The following TNFAIP2 variants were observed in gnomAD, a reference collection of about 807,000 sequenced individuals.
TNFAIP2 encodes the protein TNF alpha induced protein 2, also known as tumor necrosis factor alpha-induced protein 2.
In TNFAIP2, 47 loss-of-function variants were observed where a neutral mutation model predicts 63.5. The ratio of observed to expected loss-of-function variants is 0.74; its 90% CI spans 0.59 to 0.94. The LOEUF is 0.94. Ranked by LOEUF, TNFAIP2 falls within the 40% of genes least tolerant of loss-of-function variation. The probability of loss-of-function intolerance (pLI) is 0.00; values close to 1 mark genes in which losing one functional copy is unlikely to be tolerated. For synonymous variants in TNFAIP2, 405 were observed against 390.2 expected, an observed-to-expected ratio of 1.04 and a Z score of -0.45; for missense variants, 787 against 850.2, an observed-to-expected ratio of 0.93 and a Z score of 0.92.
chr14:103,131,731 C>T lies in TNFAIP2; in HGVS notation c.1391C>T (p.Thr464Ile), dbSNP rs760096089. ...GAGCTCAAGAGCCACGGCTTTGACA[C>T]CCTGCTCCAGAACCTGCATGAGGAC... The part of the protein sequence containing the change: ...LGELKSHGFD[T>I]LLQNLHEDLK... The change falls in exon 8 of 12, where the codon ACC becomes ATC. Residue 464 changes from threonine to isoleucine, a missense_variant. Coordinates refer to ENST00000560869, the MANE Select transcript of TNFAIP2 (RefSeq NM_006291.4). The surrounding 1 kb of genome is among the most constrained non-coding windows in gnomAD (Gnocchi z 4.0). 1.5e-5 allele frequency: 24 copies of T among 1,612,170 alleles called. No individual in the cohort carries two copies. The South Asian group carries it at 2.6e-4, about 18-fold the overall frequency.
At position 103,134,101 on chromosome 14, in the gene TNFAIP2, G is replaced by A. The variant is rs1472394836; in HGVS notation, c.1823+298G>A. ...ACCTGACACTGCCTCTCACAGGGGA[G>A]ACTGAGACCAGAGAGGCCAGCTTCA... On this transcript the variant is annotated intron_variant, in intron 11 of 11. Coordinates refer to ENST00000560869, the MANE Select transcript of TNFAIP2 (RefSeq NM_006291.4). Among the ~76,000 whole-genome samples, 8 of 152,352 alleles carry A rather than the reference G, an allele frequency of 5.3e-5. No individual in the cohort carries two copies. In the South Asian group the frequency reaches 1.7e-3, roughly 32 times the overall value.
At chr14:103,126,901 C>T in intron 2 of TNFAIP2, 104 bp from the exon 3 acceptor site, 5 of 1,402,322 alleles carry the variant, frequency 3.6e-6, no homozygotes, top group Admixed American at 6.0e-5. Flanking sequence ...TGTTGGCCGC[C>T]GGCCCTGTGC....
chr14:103,122,961 C>T (rs530111994), upstream of TNFAIP2: 2 of 374,744 alleles, frequency 5.3e-6, no homozygotes, highest in African/African-American at 4.2e-5. Flanking sequence ...TTGTAGCCCC[C>T]TTCCCCTTAG....
In TNFAIP2 at chr14:103,135,946, A is replaced by ACGT; in HGVS notation, c.*588_*590dup. ...GAGCTGTGAGCACCGCCAGCATTAGACGTCACATCCAGGTGGCCCCACGGC... is the reference window on the plus strand; with the variant it reads ...GAGCTGTGAGCACCGCCAGCATTAGACGTCGTCACATCCAGGTGGCCCCACGGC... On this transcript the variant is annotated 3_prime_UTR_variant, in exon 12 of 12. Coordinates refer to ENST00000560869, the MANE Select transcript of TNFAIP2 (RefSeq NM_006291.4). The surrounding 1 kb of genome is among the most constrained non-coding windows in gnomAD (Gnocchi z 7.6). 7.8e-7 allele frequency: 1 copy of ACGT among 1,289,670 alleles called. No homozygotes were observed. The highest frequency in any genetic ancestry group is 1.0e-6 in the Non-Finnish European group (1 of 989,024). 79.9% of individuals were successfully genotyped at this position (1,289,670 alleles called of 1,614,324 possible).
At position 103,126,537 on chromosome 14, in the gene TNFAIP2, CGAAGAA is replaced by C. The variant is rs774542642; in HGVS notation, c.88_93del (p.Lys30_Lys31del). On this transcript the variant is annotated inframe_deletion, in exon 2 of 12. Transcript: ENST00000560869. ...CCATATAGGGAGGAGGAAGAGGCGG[CGAAGAA>C]GAAGAAGGAGAAGAAGAAGAAGTCC... The C allele has an allele frequency of 1.3e-6, 2 of 1,575,064 alleles. No individual in the cohort carries two copies. Among genetic ancestry groups the C allele is most frequent in the East Asian group, 2.3e-5 (1 of 42,850 alleles).
At chr14:103,130,998 C>G (rs2139561788) in intron 6 of TNFAIP2, 54 bp from the exon 7 acceptor site, 1 of 1,579,542 alleles carries the variant, frequency 6.3e-7, no homozygotes, top group Admixed American at 1.7e-5. Context: ...GAGGCTGCTG[C>G]TGTGGTCCCA....
chr14:103,129,729 C>G lies in TNFAIP2; in HGVS notation c.861-11C>G, dbSNP rs1226693158. 6.2e-7 allele frequency: 1 copy of G among 1,612,408 alleles called. No individual in the cohort carries two copies. Among genetic ancestry groups the G allele is most frequent in the Non-Finnish European group, 8.5e-7 (1 of 1,178,768 alleles). On this transcript the variant is annotated splice_polypyrimidine_tract_variant and intron_variant, in intron 3 of 11. Coordinates refer to ENST00000560869, the MANE Select transcript of TNFAIP2 (RefSeq NM_006291.4). ...TATAGTTGTCCTCATGCCAGCCTCC[C>G]CTGCCTGCAGTGACATCATCAACAG...
intron 3 of TNFAIP2, among the ~76,000 whole-genome samples, chr14:103,128,662 A>G (rs1305986287): frequency 6.6e-6 from 1 of 152,010 alleles, no homozygotes; most frequent in African/African-American, 2.4e-5. Flanking sequence ...TGGCAGAAGG[A>G]TAGAGAAAGG....
intron 3 of TNFAIP2, among the ~76,000 whole-genome samples, chr14:103,129,415 G>T (rs1595280369): frequency 1.3e-5 from 2 of 152,262 alleles, no homozygotes; most frequent in South Asian, 4.1e-4. Context: ...CTTTTGCAGT[G>T]AGCCAGCGGG....
chr14:103,132,198 G>T (rs1212954291), intron 8 of TNFAIP2, among the ~76,000 whole-genome samples: 1 of 152,158 alleles, frequency 6.6e-6, no homozygotes, highest in East Asian at 1.9e-4. Context: ...CAGCAACTGA[G>T]GCTCAGGGTC....
intron 11 of TNFAIP2, among the ~76,000 whole-genome samples, chr14:103,134,689 C>T (rs1265583181): frequency 1.3e-5 from 2 of 151,772 alleles, no homozygotes; most frequent in Non-Finnish European, 2.9e-5. Flanking sequence ...CATCCATCTA[C>T]CTATGCCACC....
chr14:103,129,640 C>G (rs2087929145), intron 3 of TNFAIP2, 100 bp from the exon 4 acceptor site: 2 of 1,074,248 alleles, frequency 1.9e-6, no homozygotes, highest in South Asian at 2.8e-5. Context: ...GCTGGGCAGT[C>G]TGGGCCTGCC....
Position 103,133,691 on chromosome 14 carries a change from G to T in TNFAIP2, c.1711G>T (p.Ala571Ser), listed in dbSNP as rs749999898. The part of the protein sequence containing the change: ...QHFCTQHGSP[A>S]TWLQPALPTL... Reference sequence around the variant, plus strand: ...ACACCCACTCCTGCAGGGCTCCCCGGCGACCTGGCTGCAGCCTGCTCTCCC... The same window carrying T: ...ACACCCACTCCTGCAGGGCTCCCCGTCGACCTGGCTGCAGCCTGCTCTCCC... Residue 571 changes from alanine to serine, a missense_variant, in exon 11 of 12, where the codon GCG becomes TCG. By Grantham distance (99) the Ala-to-Ser change is moderately conservative (BLOSUM62 1). Around this residue, in one of 3 missense-constraint regions of TNFAIP2, gnomAD observed 523 missense variants for 604.1 expected, o/e 0.87. Transcript: ENST00000560869. 4.5e-6 allele frequency: 7 copies of T among 1,567,086 alleles called. No individual in the cohort carries two copies. In the Admixed American group the frequency reaches 9.6e-5, roughly 21 times the overall value.
intron 1 of TNFAIP2, among the ~76,000 whole-genome samples, 190 bp downstream of exon 1, chr14:103,124,141 C>T (rs1415423934): frequency 6.6e-6 from 1 of 152,232 alleles, no homozygotes. Flanking sequence ...CTGCTGCCTG[C>T]AGGACAGACT....
Position 103,135,860 on chromosome 14 carries a change from TGGAAG to T in TNFAIP2, c.*501_*505del. ...GCAATGGTGGAATGGAAGACAGAACTGGAAGAGAAAGAAGGAAAAGATGAGCTCTC... is the reference window on the plus strand; with the variant it reads ...GCAATGGTGGAATGGAAGACAGAACTAGAAAGAAGGAAAAGATGAGCTCTC... On this transcript the variant is annotated 3_prime_UTR_variant, in exon 12 of 12. Coordinates refer to ENST00000560869, the MANE Select transcript of TNFAIP2 (RefSeq NM_006291.4). The surrounding 1 kb of genome is among the most constrained non-coding windows in gnomAD (Gnocchi z 7.6). 1 of 1,290,666 alleles carries T rather than the reference TGGAAG, an allele frequency of 7.7e-7. No homozygotes were observed. Among genetic ancestry groups the T allele is most frequent in the Non-Finnish European group, 1.0e-6 (1 of 989,714 alleles). The allele number at this position is 1,290,666 out of a possible 1,614,324, so 80.0% of individuals were successfully genotyped here.
In TNFAIP2 at chr14:103,127,970, G is replaced by A. The variant is rs1238699744; in HGVS notation, c.860+341G>A. 6.6e-6 allele frequency among the ~76,000 whole-genome samples: 1 copy of A among 152,190 alleles called. No homozygotes were observed. Among genetic ancestry groups the A allele is most frequent in the Non-Finnish European group, 1.5e-5 (1 of 68,024 alleles). ...GCGCCCAGTCTGAGGAGGGGGCAAAGCAATCAATAACCATCCAGAGCTGGA... is the reference window on the plus strand; with the variant it reads ...GCGCCCAGTCTGAGGAGGGGGCAAAACAATCAATAACCATCCAGAGCTGGA... On this transcript the variant is annotated intron_variant, in intron 3 of 11. Coordinates refer to ENST00000560869, the MANE Select transcript of TNFAIP2 (RefSeq NM_006291.4). The surrounding 1 kb of genome is among the most constrained non-coding windows in gnomAD (Gnocchi z 5.1).
At chr14:103,126,961 G>T (rs976535186) in intron 2 of TNFAIP2, 44 bp from the exon 3 acceptor site, 10 of 1,273,992 alleles carry the variant, frequency 7.8e-6, no homozygotes, top group Non-Finnish European at 7.9e-6. Context: ...CCGCCCGGTG[G>T]GCGGTGGGCT....
chr14:103,133,633 C>G, intron 10 of TNFAIP2, 49 bp from the exon 11 acceptor site: 1 of 1,551,696 alleles, frequency 6.4e-7, no homozygotes. Context: ...GAGTCGCTGA[C>G]CCGAGCCTCT....
intron 6 of TNFAIP2, 96 bp downstream of exon 6, chr14:103,130,511 G>A (rs2087951595): frequency 7.0e-6 from 8 of 1,136,842 alleles, no homozygotes; most frequent in Admixed American, 4.1e-5. Flanking sequence ...CTGGATCCCC[G>A]CCCTCTACCC....
Sources: gnomAD v4.1 joint callset for allele counts (sites outside exome capture counted in the v4.1 genomes callset) on GRCh38, gnomAD v4.1.1 for gene constraint, gnomAD v4.1.1 regional missense constraint, Gnocchi (gnomAD v3.1) non-coding constraint, MANE v1.5 for transcripts, NCBI Gene and HGNC (gene_info 2026-07-23, HGNC 2026-07-21) for gene names.